The following EPS8L2 variants were observed in gnomAD, a reference collection of about 807,000 sequenced individuals.
The protein encoded by EPS8L2 is EPS8 signaling adaptor L2.
In EPS8L2, 81 loss-of-function variants were observed where a neutral mutation model predicts 99.4. That is an observed-to-expected ratio of 0.82 (90% CI 0.68 to 0.98). The LOEUF (loss-of-function observed/expected upper bound fraction) is 0.98, where lower values mean the gene tolerates loss of function less well. EPS8L2 is among the 50% of genes least tolerant of loss of function. The pLI is 0.00. For synonymous variants in EPS8L2, 509 were observed against 407.3 expected, an observed-to-expected ratio of 1.25 and a Z score of -3.01; for missense variants, 1,155 against 968.8, an observed-to-expected ratio of 1.19 and a Z score of -2.55.
chr11:718,603 G>A (rs1410683417), intron 4 of EPS8L2, among the ~76,000 whole-genome samples: 1 of 150,352 alleles, frequency 6.7e-6, no homozygotes, highest in Non-Finnish European at 1.5e-5. Flanking sequence ...TCCCACTTCA[G>A]CCTCCCAAGT....
rs780931170 is a variant in EPS8L2, at chr11:726,386, C to T, written c.1836C>T (p.Phe612=). 1.5e-5 allele frequency: 24 copies of T among 1,609,798 alleles called. 1 individual carries two copies. The South Asian group carries it at 1.7e-4, about 11-fold the overall frequency. The change falls in exon 19 of 21, where the codon TTC becomes TTT. Residue 612 remains phenylalanine, a synonymous_variant. Transcript: ENST00000318562. ...TCAGGGCGCAGCCACAGAGGCACTT[C>T]CGCGTGGAGCGCAGCCAGCCCGTGA... ...SNIRAQPQRH[F]RVERSQPVSQ...
chr11:710,368 C>T (rs1861852201), intron 3 of EPS8L2, 54 bp from the exon 4 acceptor site: 1 of 1,567,718 alleles, frequency 6.4e-7, no homozygotes, highest in Non-Finnish European at 8.8e-7. Context: ...CCCAACTGGA[C>T]GGGAGGCTGT....
Position 725,714 on chromosome 11 carries a change from G to T in EPS8L2, c.1561-14G>T, listed in dbSNP as rs771347235. 1.8e-5 allele frequency: 23 copies of T among 1,314,202 alleles called. No individual in the cohort carries two copies. Among genetic ancestry groups the T allele is most frequent in the Non-Finnish European group, 1.9e-5 (20 of 1,033,802 alleles). 81.4% of individuals were successfully genotyped at this position (1,314,202 alleles called of 1,614,324 possible). ...AGCCTGGGTGTGGGGAGGGGCTGAC[G>T]GCGCGCCCCGCAGGTGCTGGAGGAC... On this transcript the variant is annotated splice_polypyrimidine_tract_variant and intron_variant, in intron 16 of 20. Coordinates refer to ENST00000318562, the MANE Select transcript of EPS8L2 (RefSeq NM_022772.4).
intron 4 of EPS8L2, among the ~76,000 whole-genome samples, chr11:714,672 T>G (rs545785162): frequency 2.6e-3 from 215 of 81,770 alleles, no homozygotes; most frequent in Non-Finnish European, 2.8e-3. Context: ...TTATTTTATT[T>G]TATTTTTTTT....
In EPS8L2 at chr11:727,050, T is replaced by C; in HGVS notation, c.*69T>C. ...CACAATGCATGGAGTATTATTTTTA[T>C]ATGTGTATGTATTTTGTATCAAGGA... On this transcript the variant is annotated 3_prime_UTR_variant, in exon 21 of 21. Transcript: ENST00000318562. 7.5e-6 allele frequency: 8 copies of C among 1,068,388 alleles called. No homozygotes were observed. Among genetic ancestry groups the C allele is most frequent in the Non-Finnish European group, 1.1e-5 (8 of 712,506 alleles). 66.2% of individuals were successfully genotyped at this position (1,068,388 alleles called of 1,614,324 possible). A position where few individuals can be genotyped will look rare whatever the true frequency, so the allele number is the denominator to read the frequency against.
intron 20 of EPS8L2, 54 bp downstream of exon 20, chr11:726,805 T>A: frequency 6.3e-7 from 1 of 1,578,042 alleles, no homozygotes; most frequent in South Asian, 1.1e-5. Context: ...CGCCCTCCTC[T>A]CCCCCGCCCG....
chr11:710,146 A>G (rs1861846311), intron 3 of EPS8L2: 1 of 460,764 alleles, frequency 2.2e-6, no homozygotes, highest in Non-Finnish European at 4.0e-6. Context: ...TCCGGGACAG[A>G]AACCCCCCGG....
Position 722,423 on chromosome 11 carries a change from C to T in EPS8L2, c.1082C>T (p.Pro361Leu), listed in dbSNP as rs748464471. The stretch of plus-strand genomic sequence containing the variant: ...CAGATCGTCAACACCTGCAGTGGCC[C>T]AGACATCGCACGCTCCGTCTCCTGC... ...LDLIVNTCSGPDIARSVSCPL... is the reference protein window; with the variant it reads ...LDLIVNTCSGLDIARSVSCPL... Residue 361 changes from proline to leucine, a missense_variant, in exon 13 of 21, where the codon CCA (proline) becomes CTA (leucine). By Grantham distance (98) the Pro-to-Leu change is moderately conservative (BLOSUM62 -3). Coordinates refer to ENST00000318562, the MANE Select transcript of EPS8L2 (RefSeq NM_022772.4). The T allele has an allele frequency of 3.7e-6, 6 of 1,613,298 alleles. No homozygotes were observed. In the South Asian group the frequency reaches 5.5e-5, roughly 15 times the overall value.
intron 4 of EPS8L2, among the ~76,000 whole-genome samples, chr11:715,112 G>A (rs982020848): frequency 6.6e-6 from 1 of 152,058 alleles, no homozygotes. Flanking sequence ...TGGGATGGCG[G>A]GTGCCTGTAG....
rs148986843 is a variant in EPS8L2, at chr11:727,039, T to C, written c.*58T>C. ...GGAAGCCCACCCACAATGCATGGAG[T>C]ATTATTTTTATATGTGTATGTATTT... On this transcript the variant is annotated 3_prime_UTR_variant, in exon 21 of 21. Transcript: ENST00000318562. The C allele has an allele frequency of 2.3e-4, 260 of 1,153,696 alleles. No individual in the cohort carries two copies. Among genetic ancestry groups the C allele is most frequent in the Middle Eastern group, 1.6e-3 (8 of 5,030 alleles). The allele number at this position is 1,153,696 out of a possible 1,614,324, so 71.5% of individuals were successfully genotyped here. A position where few individuals can be genotyped will look rare whatever the true frequency, so the allele number is the denominator to read the frequency against.
At chr11:719,482 C>T (rs1475243444) in intron 4 of EPS8L2, among the ~76,000 whole-genome samples, 8 of 152,318 alleles carry the variant, frequency 5.3e-5, no homozygotes, top group East Asian at 3.9e-4. Flanking sequence ...CCAGGCTGGC[C>T]GCAGATCCTC....
At chr11:721,422 TC>T in intron 9 of EPS8L2, 70 bp downstream of exon 9, 1 of 1,508,556 alleles carries the variant, frequency 6.6e-7, no homozygotes, top group East Asian at 2.5e-5. Flanking sequence ...GTCCTTGCTG[TC>T]CCTCCGGCCA....
In EPS8L2 at chr11:722,528, G is replaced by C. The variant is rs2133531939; in HGVS notation, c.1187G>C (p.Gly396Ala). Residue 396 changes from glycine (G) to alanine (A), a missense_variant, in exon 13 of 21, where the codon GGA becomes GCA. Physicochemically the swap from Gly to Ala is moderately conservative, Grantham distance 60. Coordinates refer to ENST00000318562, the MANE Select transcript of EPS8L2 (RefSeq NM_022772.4). Reference protein sequence around the residue: ...PKEMSLWESLGESWMRPRSEW... With the variant: ...PKEMSLWESLAESWMRPRSEW... ...GAGATGTCGCTGTGGGAGTCACTGGGAGAGAGCTGGATGCGGCCCCGGTAG... is the reference window on the plus strand; with the variant it reads ...GAGATGTCGCTGTGGGAGTCACTGGCAGAGAGCTGGATGCGGCCCCGGTAG... 2.5e-6 allele frequency: 4 copies of C among 1,613,184 alleles called. No homozygotes were observed. The East Asian group carries it at 6.7e-5, about 27-fold the overall frequency.
chr11:715,193 G>A (rs1225425886), intron 4 of EPS8L2, among the ~76,000 whole-genome samples: 1 of 151,712 alleles, frequency 6.6e-6, no homozygotes, highest in East Asian at 1.9e-4. Flanking sequence ...AGTAAGCTGA[G>A]ATTGCGCCAC....
rs1425968455 is a variant in EPS8L2 at position 726,431 on chromosome 11, G to C, written c.1881G>C (p.Glu627Asp). The change falls in exon 19 of 21, where the codon GAG (glutamate) becomes GAC (aspartate). Residue 627 changes from glutamate to aspartate, a missense_variant. By Grantham distance (45) the Glu-to-Asp change is conservative (BLOSUM62 2). Transcript: ENST00000318562. Reference protein sequence around the residue: ...SQPVSQPLTYESGPDEVRAWL... With the variant: ...SQPVSQPLTYDSGPDEVRAWL... The stretch of plus-strand genomic sequence containing the variant: ...CCGTGAGCCAGCCGCTCACCTACGA[G>C]TCGGGTCCGGACGAGGTCCGCGCCT... 6.3e-7 allele frequency: 1 copy of C among 1,598,160 alleles called. No homozygotes were observed. Among genetic ancestry groups the C allele is most frequent in the Non-Finnish European group, 8.5e-7 (1 of 1,173,722 alleles).
Position 727,635 on chromosome 11 carries a change from G to A in EPS8L2, c.*654G>A, listed in dbSNP as rs1002009345. ...CCCGCATGGTGTTGGGGGTGCTGGT[G>A]TGTCTTGGTGCCTGGACTTGAGTCT... is the stretch of plus-strand genomic sequence containing the variant. On this transcript the variant is annotated 3_prime_UTR_variant, in exon 21 of 21. Coordinates refer to ENST00000318562, the MANE Select transcript of EPS8L2 (RefSeq NM_022772.4). The A allele has an allele frequency of 2.6e-5, 4 of 153,228 alleles. No individual in the cohort carries two copies. Among genetic ancestry groups the A allele is most frequent in the African/African-American group, 9.6e-5 (4 of 41,464 alleles). 9.5% of individuals were successfully genotyped at this position (153,228 alleles called of 1,614,324 possible).
chr11:726,037 G>C (rs1227734884), intron 17 of EPS8L2, 61 bp from the exon 18 acceptor site: 1 of 1,334,612 alleles, frequency 7.5e-7, no homozygotes, highest in Non-Finnish European at 1.0e-6. Context: ...GGGAGGTCCC[G>C]GGCAGGTGCT....
chr11:713,889 C>G (rs1224464612), intron 4 of EPS8L2, among the ~76,000 whole-genome samples: 1 of 152,076 alleles, frequency 6.6e-6, no homozygotes, highest in Non-Finnish European at 1.5e-5. Flanking sequence ...ACCATGTTGG[C>G]CAGGCTGGTC....
rs545936385 is a variant in EPS8L2 at position 715,190 on chromosome 11, T to C, written c.165+4704T>C. On this transcript the variant is annotated intron_variant, in intron 4 of 20. Transcript: ENST00000318562. ...CCCGGAGGCGGAGCTTGCAGTAAGC[T>C]GAGATTGCGCCACTGCACTCCAGCC... is the stretch of plus-strand genomic sequence containing the variant. 3.4e-3 allele frequency among the ~76,000 whole-genome samples: 514 copies of C among 151,214 alleles called. 2 individuals carry two copies. The highest frequency in any genetic ancestry group is 0.01 in the African/African-American group (426 of 41,048).
Sources: allele counts gnomAD v4.1 joint callset (sites outside exome capture counted in the v4.1 genomes callset), GRCh38; gene constraint gnomAD v4.1.1; transcripts MANE v1.5; gene names NCBI Gene and HGNC (gene_info 2026-07-23, HGNC 2026-07-21).